TFRC: variants seen among roughly 807,000 people sequenced by gnomAD.
The protein encoded by TFRC is transferrin receptor, also known as transferrin receptor protein 1.
A neutral mutation model predicts 85.8 loss-of-function variants in TFRC; 35 were observed. That is an observed-to-expected ratio of 0.41 (90% confidence interval 0.31 to 0.54). TFRC has a LOEUF of 0.54. Among genes scored for constraint, TFRC ranks in the 20% least tolerant of loss-of-function variants. The probability of loss-of-function intolerance (pLI) is 0.31; values close to 1 mark genes in which losing one functional copy is unlikely to be tolerated. For missense variants in TFRC, 828 were observed against 921.5 expected, an observed-to-expected ratio of 0.90 and a Z score of 1.31; for synonymous variants, 362 against 328.6, an observed-to-expected ratio of 1.10 and a Z score of -1.10.
intron 1 of TFRC, among the ~76,000 whole-genome samples, chr3:196,078,020 G>A (rs1397597913): frequency 3.3e-5 from 5 of 152,200 alleles, no homozygotes; most frequent in Non-Finnish European, 7.3e-5. Flanking sequence ...TCTAAGCGAA[G>A]TTAAATGGGT....
chr3:196,074,245 T>C, intron 3 of TFRC, 120 bp from the exon 4 acceptor site: 1 of 940,668 alleles, frequency 1.1e-6, no homozygotes, highest in Admixed American at 2.8e-5. Context: ...TCTAAGTAGT[T>C]TTAAAGTATA....
intron 14 of TFRC, 36 bp from the exon 15 acceptor site, chr3:196,058,668 T>A (rs1049983236): frequency 1.2e-5 from 18 of 1,508,060 alleles, no homozygotes; most frequent in Admixed American, 1.8e-5. Context: ...AACTAACCTT[T>A]TGGAACTTAT....
chr3:196,074,405 C>T (rs886673582), intron 3 of TFRC: 5 of 250,932 alleles, frequency 2.0e-5, no homozygotes, highest in Non-Finnish European at 3.0e-5. Context: ...CAGTGTCCTG[C>T]GGATATTTTC....
At chr3:196,063,861 G>A (rs187885105) in intron 11 of TFRC, among the ~76,000 whole-genome samples, 45 of 152,272 alleles carry the variant, frequency 3.0e-4, no homozygotes, top group Non-Finnish European at 4.9e-4. Context: ...AGGTTGCAGT[G>A]AGCTAAGTGA....
At chr3:196,077,190 C>T in intron 1 of TFRC, 68 bp from the exon 2 acceptor site, 2 of 1,114,450 alleles carry the variant, frequency 1.8e-6, no homozygotes, top group Non-Finnish European at 1.3e-6. Context: ...TTTCTATTAC[C>T]AGGCTAAATG....
intron 12 of TFRC, 99 bp downstream of exon 12, chr3:196,062,755 G>A: frequency 6.4e-7 from 1 of 1,550,594 alleles, no homozygotes. Flanking sequence ...AAACGCAAAG[G>A]CAAAAGTGGT....
intron 6 of TFRC, among the ~76,000 whole-genome samples, 189 bp downstream of exon 6, chr3:196,071,207 C>T (rs1158578868): frequency 6.6e-6 from 1 of 152,112 alleles, no homozygotes; most frequent in African/African-American, 2.4e-5. Context: ...AAAAATAAAA[C>T]AGGACATGGG....
intron 11 of TFRC, 26 bp downstream of exon 11, chr3:196,064,283 C>T: frequency 6.3e-7 from 1 of 1,598,386 alleles, no homozygotes. Context: ...CACCAATATT[C>T]AAAAGAATCA....
At chr3:196,053,362 A>AT in intron 18 of TFRC, 56 bp downstream of exon 18, 1 of 1,602,136 alleles carries the variant, frequency 6.2e-7, no homozygotes, top group Non-Finnish European at 8.5e-7. Context: ...GAAGTGTAAG[A>AT]TTTATCGGTT....
chr3:196,066,939 T>C (rs992503716), intron 9 of TFRC, among the ~76,000 whole-genome samples: 1 of 152,056 alleles, frequency 6.6e-6, no homozygotes, highest in African/African-American at 2.4e-5. Context: ...CACATCCAAA[T>C]CAAAATTAAT....
rs971353370 is a variant in TFRC at position 196,077,044 on chromosome 3, T to C, written c.36+20A>G. ...TTTCACATTCTTGCAGACACAGAAA[T>C]ACAACTGAAAATATCTTACCAAGTT... is the stretch of plus-strand genomic sequence containing the variant. On this transcript the variant is annotated intron_variant, in intron 2 of 18. Coordinates refer to ENST00000360110, the MANE Select transcript of TFRC (RefSeq NM_001128148.3). The C allele has an allele frequency of 3.7e-6, 6 of 1,612,166 alleles. No individual in the cohort carries two copies. Among genetic ancestry groups the C allele is most frequent in the Non-Finnish European group, 4.2e-6 (5 of 1,178,622 alleles).
At chr3:196,062,742 A>C in intron 12 of TFRC, 97 bp from the exon 13 acceptor site, 1 of 1,545,956 alleles carries the variant, frequency 6.5e-7, no homozygotes, top group South Asian at 1.1e-5. Context: ...CTCTACTGAG[A>C]CTAAACGCAA....
chr3:196,055,346 G>A (rs1201432699), intron 16 of TFRC, 45 bp from the exon 17 acceptor site: 3 of 1,523,938 alleles, frequency 2.0e-6, no homozygotes, highest in Non-Finnish European at 1.8e-6. Flanking sequence ...AGTTCTAAGA[G>A]CAAGAGCCTC....
chr3:196,078,517 C>A (rs1231934545), intron 1 of TFRC, among the ~76,000 whole-genome samples: 5 of 151,682 alleles, frequency 3.3e-5, no homozygotes, highest in African/African-American at 1.2e-4. Context: ...ATTAGATGGG[C>A]GTGGTGGTGG....
rs1410324460 is a variant in TFRC at position 196,052,201 on chromosome 3, C to T, written c.2041-17G>A. ...ATACTCCACCTACGAAAACAACACA[C>T]AAGGCAATTTACACAGCCCTGTGAC... On this transcript the variant is annotated splice_polypyrimidine_tract_variant and intron_variant, in intron 18 of 18. Transcript: ENST00000360110. The T allele has an allele frequency of 3.7e-6, 6 of 1,610,394 alleles. No individual in the cohort carries two copies. In the South Asian group the frequency reaches 4.4e-5, roughly 12 times the overall value.
At chr3:196,075,093 G>T in intron 3 of TFRC, 66 bp downstream of exon 3, 3 of 1,256,992 alleles carry the variant, frequency 2.4e-6, no homozygotes, top group South Asian at 1.2e-5. Context: ...TATATGCTGA[G>T]CTGACATAAC....
chr3:196,060,313 CAACTAT>C, intron 13 of TFRC, 66 bp from the exon 14 acceptor site: 4 of 1,308,582 alleles, frequency 3.1e-6, no homozygotes, highest in East Asian at 4.7e-5. Context: ...GCTACTTCTA[CAACTAT>C]AAGTACTTGA....
chr3:196,080,983 A>G (rs1719122382), intron 1 of TFRC, among the ~76,000 whole-genome samples: 1 of 152,170 alleles, frequency 6.6e-6, no homozygotes, highest in African/African-American at 2.4e-5. Context: ...AAAATGGAAA[A>G]AGCTGCAGAA....
At chr3:196,054,732 G>T (rs186893578) in intron 17 of TFRC, among the ~76,000 whole-genome samples, 9 of 152,320 alleles carry the variant, frequency 5.9e-5, no homozygotes, top group Admixed American at 2.6e-4. Flanking sequence ...TGCTAGCTGT[G>T]CTGTCTTTCC....
Sources: gnomAD v4.1 joint callset for allele counts (sites outside exome capture counted in the v4.1 genomes callset) on GRCh38, gnomAD v4.1.1 for gene constraint, MANE v1.5 for transcripts, NCBI Gene and HGNC (gene_info 2026-07-23, HGNC 2026-07-21) for gene names.